The following ALDH4A1 variants were observed in gnomAD, a reference collection of about 807,000 sequenced individuals.
ALDH4A1 encodes aldehyde dehydrogenase 4 family member A1.
ALDH4A1 carries 46 observed loss-of-function variants against 70.5 expected under a neutral mutation model. That is an observed-to-expected ratio of 0.65 (90% CI 0.51 to 0.83). The LOEUF is 0.83. Among genes scored for constraint, ALDH4A1 ranks in the 40% least tolerant of loss-of-function variants. The pLI, the probability that ALDH4A1 is intolerant of heterozygous loss-of-function variation, is 0.00. For synonymous variants in ALDH4A1, 323 were observed against 324.3 expected (o/e 1.00, Z 0.04); for missense variants, 749 against 766.5 (o/e 0.98, Z 0.27).
chr1:18,889,100 G>A (rs1935333443), intron 3 of ALDH4A1, among the ~76,000 whole-genome samples: 1 of 152,236 alleles, frequency 6.6e-6, no homozygotes, highest in African/African-American at 2.4e-5. Flanking sequence ...AGAAATCTAT[G>A]AGGAATAACA....
chr1:18,889,580 G>A (rs1413601506), intron 2 of ALDH4A1, 126 bp from the exon 3 acceptor site: 4 of 832,862 alleles, frequency 4.8e-6, no homozygotes, highest in East Asian at 2.7e-5. Flanking sequence ...GGCCAGGCCA[G>A]GTCGGTGGCC....
chr1:18,874,967 G>A (rs1036976651), intron 13 of ALDH4A1, among the ~76,000 whole-genome samples: 8 of 152,248 alleles, frequency 5.3e-5, no homozygotes, highest in African/African-American at 1.4e-4. Context: ...CCAGTGCCAC[G>A]GAGGAAAGAA....
intron 3 of ALDH4A1, among the ~76,000 whole-genome samples, chr1:18,887,420 A>G (rs1935251904): frequency 6.6e-6 from 1 of 152,242 alleles, no homozygotes; most frequent in Non-Finnish European, 1.5e-5. Context: ...TAACATGGTG[A>G]AACCCTCTCT....
At chr1:18,884,202 ACGTGCGGCT>A (rs1935101661) in intron 5 of ALDH4A1, among the ~76,000 whole-genome samples, 1 of 152,224 alleles carries the variant, frequency 6.6e-6, no homozygotes. Flanking sequence ...CTTCCCAGCA[ACGTGCGGCT>A]CACCAGGAAC....
chr1:18,901,039 A>C lies in ALDH4A1; in HGVS notation c.62+1423T>G, dbSNP rs539479684. 11 of 356,044 alleles carry C rather than the reference A, an allele frequency of 3.1e-5. No individual in the cohort carries two copies. The South Asian group carries it at 3.4e-4, about 11-fold the overall frequency. The allele number at this position is 356,044 out of a possible 1,614,324, so 22.1% of individuals were successfully genotyped here. A position where few individuals can be genotyped will look rare whatever the true frequency, so the allele number is the denominator to read the frequency against. Reference sequence around the variant, plus strand: ...CTCCTCAAAGGCCCCACCCCATGTAAATTCCCTGGGTACCCCTCATCTCTA... The same window carrying C: ...CTCCTCAAAGGCCCCACCCCATGTACATTCCCTGGGTACCCCTCATCTCTA... On this transcript the variant is annotated intron_variant, in intron 1 of 14. Transcript: ENST00000375341.
intron 1 of ALDH4A1, among the ~76,000 whole-genome samples, chr1:18,895,319 G>A (rs1008699561): frequency 6.6e-6 from 1 of 152,140 alleles, no homozygotes; most frequent in Non-Finnish European, 1.5e-5. Flanking sequence ...CCTCAAGTTG[G>A]TCCCCCTCAC....
Position 18,890,033 on chromosome 1 carries a change from A to C in ALDH4A1, c.135T>G (p.Pro45=), listed in dbSNP as rs147154947. Residue 45 remains proline, a synonymous_variant, in exon 2 of 15, where the codon CCT becomes CCG. Transcript: ENST00000375341. ...TTACCTTTTGCAGGGCATCTCGCTC[A>C]GGGCTGCCCTGCGTGAAGGCTAAGA... ...EPVLAFTQGS[P]ERDALQKALK... is the part of the protein sequence containing the mutation. 304 of 1,611,746 alleles carry C rather than the reference A, an allele frequency of 1.9e-4. No homozygotes were observed. In the African/African-American group the frequency reaches 3.7e-3, roughly 20 times the overall value.
intron 1 of ALDH4A1, 151 bp from the exon 2 acceptor site, chr1:18,890,256 C>A (rs1935385275): frequency 3.0e-6 from 2 of 667,034 alleles, no homozygotes; most frequent in East Asian, 5.6e-5. Flanking sequence ...AAAACCCCAC[C>A]TTGGGCTGGG....
intron 8 of ALDH4A1, 80 bp from the exon 9 acceptor site, chr1:18,879,453 C>G: frequency 7.8e-7 from 1 of 1,281,712 alleles, no homozygotes; most frequent in Admixed American, 2.0e-5. Context: ...AGGAGCATTG[C>G]CGGGGGCAGC....
intron 5 of ALDH4A1, 46 bp downstream of exon 5, chr1:18,885,427 T>TTGCCCCCC: frequency 1.5e-6 from 1 of 650,920 alleles, no homozygotes; most frequent in African/African-American, 1.9e-5. Flanking sequence ...CACACCTGAC[T>TTGCCCCCC]CCCACCCCAC....
chr1:18,879,877 G>T (rs144338359), intron 8 of ALDH4A1, among the ~76,000 whole-genome samples: 77 of 152,148 alleles, frequency 5.1e-4, no homozygotes, highest in African/African-American at 1.8e-3. Flanking sequence ...GGCCCCGCCC[G>T]AAGCCACCAC....
At chr1:18,881,194 C>T (rs868735477) in intron 8 of ALDH4A1, among the ~76,000 whole-genome samples, 8 of 152,256 alleles carry the variant, frequency 5.3e-5, no homozygotes, top group Middle Eastern at 3.4e-3. Flanking sequence ...TCCAGCCACA[C>T]AGGATCCTGC....
In ALDH4A1 at chr1:18,874,456, C is replaced by G. The variant is rs946531037; in HGVS notation, c.1579+7G>C. 1 of 1,613,482 alleles carries G rather than the reference C, an allele frequency of 6.2e-7. No individual in the cohort carries two copies. The highest frequency in any genetic ancestry group is 1.3e-5 in the African/African-American group (1 of 74,946). The stretch of plus-strand genomic sequence containing the variant: ...CAGCTCCCCTGTGGGAAGGGGGACC[C>G]ACTCACCAGAGGCTCGGGCCCCCCC... On this transcript the variant is annotated splice_region_variant and intron_variant, in intron 14 of 14. Transcript: ENST00000375341.
At chr1:18,887,695 TAAC>T (rs796874906) in intron 3 of ALDH4A1, among the ~76,000 whole-genome samples, 4 of 152,060 alleles carry the variant, frequency 2.6e-5, no homozygotes, top group African/African-American at 9.6e-5. Flanking sequence ...CACCTGATCA[TAAC>T]AACATCTTAT....
intron 1 of ALDH4A1, among the ~76,000 whole-genome samples, chr1:18,899,909 C>T (rs978850064): frequency 5.5e-4 from 83 of 152,200 alleles, no homozygotes; most frequent in African/African-American, 1.9e-3. Context: ...GACACAGTTC[C>T]AGGGCCTGGG....
At chr1:18,887,371 G>A (rs1247406038) in intron 3 of ALDH4A1, among the ~76,000 whole-genome samples, 3 of 152,350 alleles carry the variant, frequency 2.0e-5, no homozygotes, top group Middle Eastern at 3.4e-3. Flanking sequence ...AGGCCAAGGC[G>A]GGCGGATCAC....
intron 1 of ALDH4A1, chr1:18,897,170 A>G (rs1296593693): frequency 8.4e-6 from 4 of 477,384 alleles, no homozygotes; most frequent in Non-Finnish European, 4.3e-6. Flanking sequence ...TCATTGGAGC[A>G]TTTTGGACTT....
chr1:18,890,452 C>G (rs919016107), intron 1 of ALDH4A1, among the ~76,000 whole-genome samples: 1 of 152,200 alleles, frequency 6.6e-6, no homozygotes, highest in Non-Finnish European at 1.5e-5. Flanking sequence ...GAGGCTGAGG[C>G]AAGAGAATTG....
intron 1 of ALDH4A1, among the ~76,000 whole-genome samples, chr1:18,896,892 C>CAAA (rs372356973): frequency 2.5e-5 from 3 of 119,888 alleles, no homozygotes; most frequent in African/African-American, 9.2e-5. Context: ...GACGATGTCT[C>CAAA]AAAAAAAAAA....
Sources: allele counts gnomAD v4.1 joint callset (sites outside exome capture counted in the v4.1 genomes callset), GRCh38; gene constraint gnomAD v4.1.1; transcripts MANE v1.5; gene names NCBI Gene and HGNC (gene_info 2026-07-23, HGNC 2026-07-21).